Variants in SLC9A6 observed in about 807,000 individuals in gnomAD.
SLC9A6 encodes sodium/hydrogen exchanger 6.
Under a neutral mutation model 45.3 loss-of-function variants are expected in SLC9A6, and 6 were observed. The observed-to-expected ratio is 0.13, with a 90% CI of 0.07 to 0.26. The LOEUF (loss-of-function observed/expected upper bound fraction) is 0.26, where lower values mean the gene tolerates loss of function less well. Ranked by LOEUF, SLC9A6 falls within the 10% of genes least tolerant of loss-of-function variation. The pLI, the probability that SLC9A6 is intolerant of heterozygous loss-of-function variation, is 1.00. For synonymous variants in SLC9A6, 191 were observed against 187.7 expected, an observed-to-expected ratio of 1.02 and a Z score of -0.14; for missense variants, 278 against 503.7, an observed-to-expected ratio of 0.55 and a Z score of 4.29.
intron 7 of SLC9A6, among the ~76,000 whole-genome samples, chrX:136,005,603 C>G (rs2089645011): frequency 9.1e-6 from 1 of 110,145 alleles, no homozygotes; most frequent in African/African-American, 3.3e-5. Flanking sequence ...ATTTCTTGAA[C>G]CCAGGAGGCG....
Position 136,046,597 on chromosome X carries a change from C to T in SLC9A6, c.*1873C>T, listed in dbSNP as rs1358849002. The T allele has an allele frequency of 3.6e-5, 4 of 112,663 alleles. No individual in the cohort carries two copies. The highest frequency in any genetic ancestry group is 6.5e-5 in the African/African-American group (2 of 30,926). 9.3% of individuals were successfully genotyped at this position (112,663 alleles called of 1,213,427 possible). Reference sequence around the variant, plus strand: ...CTGACCTCACTTTATGTAAATACTTCGCATGACAAATTCAGTAACTCGTCT... The same window carrying T: ...CTGACCTCACTTTATGTAAATACTTTGCATGACAAATTCAGTAACTCGTCT... On this transcript the variant is annotated 3_prime_UTR_variant, in exon 18 of 18. Transcript: ENST00000630721.
intron 2 of SLC9A6, among the ~76,000 whole-genome samples, chrX:135,991,385 G>A (rs1349863561): frequency 1.8e-5 from 2 of 109,657 alleles, no homozygotes; most frequent in Non-Finnish European, 3.8e-5. Flanking sequence ...AGCCTCCCAA[G>A]TAGCTGGGAT....
intron 12 of SLC9A6, among the ~76,000 whole-genome samples, chrX:136,023,892 CT>C (rs781986602): frequency 1.1e-3 from 119 of 104,079 alleles, no homozygotes; most frequent in Admixed American, 1.2e-3. Flanking sequence ...TCTGTTTGTA[CT>C]TTTTTTTTTT....
At chrX:136,016,505 G>A in intron 10 of SLC9A6, 140 bp from the exon 11 acceptor site, 2 of 421,753 alleles carry the variant, frequency 4.7e-6, no homozygotes, top group East Asian at 8.0e-5. Flanking sequence ...CTCCACATTT[G>A]CTCCCTTCTG....
chrX:136,002,440 C>T (rs967271318), intron 7 of SLC9A6, among the ~76,000 whole-genome samples: 7 of 111,889 alleles, frequency 6.3e-5, no homozygotes, highest in African/African-American at 2.3e-4. Context: ...CATTCTAGAA[C>T]ATTTCCTTTT....
chrX:136,039,383 C>CT (rs2071468942), intron 16 of SLC9A6, among the ~76,000 whole-genome samples: 1 of 110,000 alleles, frequency 9.1e-6, no homozygotes, highest in African/African-American at 3.3e-5. Flanking sequence ...GTGATTCCCT[C>CT]TTTTTTCTTC....
Position 136,030,457 on chromosome X carries a change from G to GT in SLC9A6, c.1581+296dup. The GT allele has an allele frequency of 9.2e-6, 3 of 327,283 alleles. No individual in the cohort carries two copies. The South Asian group carries it at 1.4e-4, about 16-fold the overall frequency. The allele number at this position is 327,283 out of a possible 1,213,427, so 27.0% of individuals were successfully genotyped here. A position where few individuals can be genotyped will look rare whatever the true frequency, so the allele number is the denominator to read the frequency against. ...CTTTTAAGCACTCCTGGGTTTTCGA[G>GT]TGACTCCTCTGGCACGGGGAGGCTT... On this transcript the variant is annotated intron_variant, in intron 15 of 17. Coordinates refer to ENST00000630721, the MANE Select transcript of SLC9A6 (RefSeq NM_001379110.1).
At chrX:135,988,992 CTTATTA>C (rs782147569) in intron 2 of SLC9A6, among the ~76,000 whole-genome samples, 8 of 110,650 alleles carry the variant, frequency 7.2e-5, no homozygotes, top group East Asian at 2.8e-4. Flanking sequence ...TCATAGCTAT[CTTATTA>C]TTATTAATAT....
chrX:136,011,503 A>G (rs1453561033), intron 8 of SLC9A6, among the ~76,000 whole-genome samples: 1 of 110,334 alleles, frequency 9.1e-6, no homozygotes. Context: ...CGGCCTCCCA[A>G]AGTGCTGGGA....
chrX:135,991,153 C>A (rs2089423786), intron 2 of SLC9A6, among the ~76,000 whole-genome samples: 1 of 111,686 alleles, frequency 9.0e-6, no homozygotes, highest in South Asian at 3.7e-4. Flanking sequence ...TGTCATTATA[C>A]TACTGTTCAC....
At chrX:136,024,279 C>T in intron 12 of SLC9A6, 51 bp from the exon 13 acceptor site, 10 of 1,170,252 alleles carry the variant, frequency 8.5e-6, no homozygotes, top group Non-Finnish European at 1.2e-5. Context: ...ATTTATGAAG[C>T]TTGCATTGGT....
chrX:135,992,414 C>T (rs944734894), intron 2 of SLC9A6, among the ~76,000 whole-genome samples: 1 of 112,207 alleles, frequency 8.9e-6, no homozygotes, highest in South Asian at 3.7e-4. Context: ...AAGTAGAAAT[C>T]TGCTATCAAG....
rs1435666520 is a variant in SLC9A6, at chrX:136,036,292, G to GT, written c.1661+2805dup. ...CCAGAGAGGCTGAGCACCTTTTCTT[G>GT]TTTTTTGACCATTTAGATATCCTCT... On this transcript the variant is annotated intron_variant, in intron 16 of 17. Coordinates refer to ENST00000630721, the MANE Select transcript of SLC9A6 (RefSeq NM_001379110.1). Among the ~76,000 whole-genome samples the GT allele has an allele frequency of 5.4e-5, 6 of 111,226 alleles. No individual in the cohort carries two copies. The East Asian group carries it at 1.7e-3, about 31-fold the overall frequency.
chrX:135,985,339 C>G, upstream of SLC9A6: 1 of 325,442 alleles, frequency 3.1e-6, no homozygotes. Flanking sequence ...GGCAAAGGAA[C>G]CTGGCAGAGC....
intron 3 of SLC9A6, among the ~76,000 whole-genome samples, chrX:135,996,406 G>A (rs781881883): frequency 3.4e-4 from 38 of 111,540 alleles, no homozygotes; most frequent in Non-Finnish European, 6.2e-4. Flanking sequence ...TGCAGCAGGA[G>A]TTCTTTCCAC....
chrX:135,987,690 T>G (rs1603187215), intron 2 of SLC9A6, among the ~76,000 whole-genome samples: 1 of 110,847 alleles, frequency 9.0e-6, no homozygotes, highest in East Asian at 2.8e-4. Context: ...ACATAAAAAC[T>G]ATTCTTAGCT....
At position 136,022,744 on chromosome X, in the gene SLC9A6, A is replaced by G. The variant is rs782054362; in HGVS notation, c.1306+47A>G. ...TTGCCCACTTCAAGCAACCATTCAC[A>G]ATGCGTGTGCCAGCTTGATGTAACA... On this transcript the variant is annotated intron_variant, in intron 12 of 17. Coordinates refer to ENST00000630721, the MANE Select transcript of SLC9A6 (RefSeq NM_001379110.1). The G allele has an allele frequency of 6.6e-6, 5 of 758,042 alleles. No homozygotes were observed. The South Asian group carries it at 1.1e-4, about 16-fold the overall frequency. 62.5% of individuals were successfully genotyped at this position (758,042 alleles called of 1,213,427 possible).
chrX:136,034,010 A>C (rs1463912802), intron 16 of SLC9A6, among the ~76,000 whole-genome samples: 1 of 111,370 alleles, frequency 9.0e-6, no homozygotes, highest in Non-Finnish European at 1.9e-5. Flanking sequence ...CAGATAGCTA[A>C]TGTTTTTGTT....
At chrX:135,980,977 C>T, upstream of SLC9A6, among the ~76,000 whole-genome samples, 1 of 112,095 alleles carries the variant, frequency 8.9e-6, no homozygotes, top group East Asian at 2.8e-4. Flanking sequence ...ATGCTCATGA[C>T]CTGTTGAATG....
Sources: gnomAD v4.1 joint callset for allele counts (sites outside exome capture counted in the v4.1 genomes callset) on GRCh38, gnomAD v4.1.1 for gene constraint, MANE v1.5 for transcripts, NCBI Gene and HGNC (gene_info 2026-07-23, HGNC 2026-07-21) for gene names.